ASMTL: variants seen among roughly 807,000 people sequenced by gnomAD.
ASMTL encodes acetylserotonin O-methyltransferase like, also known as probable bifunctional dTTP/UTP pyrophosphatase/methyltransferase protein.
In ASMTL, 57 loss-of-function variants were observed where a neutral mutation model predicts 60.3. The ratio of observed to expected loss-of-function variants is 0.95; its 90% CI spans 0.76 to 1.18. The LOEUF (loss-of-function observed/expected upper bound fraction) is 1.18, where lower values mean the gene tolerates loss of function less well. Ranked by LOEUF, ASMTL falls within the 50% of genes most tolerant of loss-of-function variation. The pLI is 0.00. For synonymous variants in ASMTL, 419 were observed against 373.0 expected, an observed-to-expected ratio of 1.12 and a Z score of -1.42; for missense variants, 981 against 852.6, an observed-to-expected ratio of 1.15 and a Z score of -1.88.
chrX:1,453,454 G>T (rs772886328), upstream of ASMTL, among the ~76,000 whole-genome samples: 1 of 148,380 alleles, frequency 6.7e-6, no homozygotes, highest in Non-Finnish European at 1.5e-5. Context: ...TCCCCACCCC[G>T]CCTGCGGCGC....
chrX:1,452,858 C>G lies in ASMTL; in HGVS notation c.-18G>C. 3 of 1,544,644 alleles carry G rather than the reference C, an allele frequency of 1.9e-6. No homozygotes were observed. Among genetic ancestry groups the G allele is most frequent in the Non-Finnish European group, 2.6e-6 (3 of 1,153,188 alleles). The stretch of plus-strand genomic sequence containing the variant: ...AGCACCATGGCGTCCACGCCGGGAG[C>G]CGGGCGTCCGCACTTCTGAGCCCGG... On this transcript the variant is annotated 5_prime_UTR_variant, in exon 1 of 13. Transcript: ENST00000381317.
chrX:1,422,783 A>C (rs1660689293), intron 8 of ASMTL, among the ~76,000 whole-genome samples: 1 of 152,056 alleles, frequency 6.6e-6, no homozygotes, highest in Non-Finnish European at 1.5e-5. Flanking sequence ...ATTTATTTTC[A>C]TCATGAATAA....
chrX:1,415,382 T>C (rs1479775553), intron 11 of ASMTL, among the ~76,000 whole-genome samples: 23 of 151,650 alleles, frequency 1.5e-4, no homozygotes, highest in African/African-American at 5.3e-4. Context: ...CCATCTCCAC[T>C]CCCCTCACGT....
chrX:1,404,087 GGGTA>G (rs1214431407), intron 12 of ASMTL, among the ~76,000 whole-genome samples: 4 of 151,452 alleles, frequency 2.6e-5, no homozygotes, highest in African/African-American at 9.7e-5. Context: ...GGTACATGAT[GGGTA>G]GGTAGGAAGA....
chrX:1,432,395 T>A lies in ASMTL; in HGVS notation c.401-18A>T. On this transcript the variant is annotated intron_variant, in intron 5 of 12. Coordinates refer to ENST00000381317, the MANE Select transcript of ASMTL (RefSeq NM_004192.4). ...CTGATGGTCTGCAAGGACACAGCCG[T>A]GGGGGTGAGCGTGGACGCCAGCTTG... The A allele has an allele frequency of 6.2e-7, 1 of 1,603,746 alleles. No homozygotes were observed.
chrX:1,425,019 A>G (rs867778039), intron 8 of ASMTL, among the ~76,000 whole-genome samples: 11 of 19,384 alleles, frequency 5.7e-4, no homozygotes, highest in East Asian at 4.4e-3. Context: ...CCATCCATCC[A>G]TCCTTCCTCC....
In ASMTL at chrX:1,442,222, C is replaced by T. The variant is rs772198950; in HGVS notation, c.189G>A (p.Lys63=). 1 of 1,613,818 alleles carries T rather than the reference C, an allele frequency of 6.2e-7. No homozygotes were observed. The change falls in exon 2 of 13, where the codon AAG becomes AAA. Residue 63 remains lysine, a synonymous_variant. Coordinates refer to ENST00000381317, the MANE Select transcript of ASMTL (RefSeq NM_004192.4). ...GGTTGGCCACCTCCAGGGCCTTCTG[C>T]TTGGCGGTCTCCATGGCGTACCCAT... ...TPYGYAMETA[K]QKALEVANRL...
intron 11 of ASMTL, among the ~76,000 whole-genome samples, chrX:1,416,406 CAGAT>C (rs2090265133): frequency 1.4e-5 from 1 of 69,100 alleles, no homozygotes; most frequent in Non-Finnish European, 4.2e-5. Flanking sequence ...CACGGACATA[CAGAT>C]ACACCAACAG....
At chrX:1,416,907 A>T (rs1298523261) in intron 11 of ASMTL, among the ~76,000 whole-genome samples, 1 of 151,426 alleles carries the variant, frequency 6.6e-6, no homozygotes, top group Non-Finnish European at 1.5e-5. Context: ...TCAGAGACAT[A>T]CACACCACAG....
intron 4 of ASMTL, 135 bp from the exon 5 acceptor site, chrX:1,435,218 T>G: frequency 7.3e-5 from 67 of 916,640 alleles, no homozygotes; most frequent in Non-Finnish European, 1.1e-4. Context: ...TCCCCGATCG[T>G]CCCGCTGTGG....
chrX:1,442,179 C>T lies in ASMTL; in HGVS notation c.225+7G>A. 1 of 1,613,404 alleles carries T rather than the reference C, an allele frequency of 6.2e-7. No homozygotes were observed. The highest frequency in any genetic ancestry group is 8.5e-7 in the Non-Finnish European group (1 of 1,179,804). ...TTCATAAGGGCCGAAGGGCAGGGGC[C>T]CCTTGCCTGGTACAGCCGGTTGGCC... On this transcript the variant is annotated splice_region_variant and intron_variant, in intron 2 of 12. Transcript: ENST00000381317.
At chrX:1,450,638 C>A (rs2091342096) in intron 1 of ASMTL, among the ~76,000 whole-genome samples, 1 of 138,898 alleles carries the variant, frequency 7.2e-6, no homozygotes, top group Non-Finnish European at 1.6e-5. Flanking sequence ...ACTCTCCCCT[C>A]CCCCATCCCT....
In ASMTL at chrX:1,425,689, T is replaced by G. The variant is rs761169827; in HGVS notation, c.898-2A>C. On this transcript the variant is annotated splice_acceptor_variant, in intron 7 of 12. Coordinates refer to ENST00000381317, the MANE Select transcript of ASMTL (RefSeq NM_004192.4). LOFTEE classifies it high-confidence loss of function. ...CAGTTTGCAAGCGGTGAGCAGGCCC[T>G]GTTAAAAGCAAGTGCAGAGAGACTC... The G allele has an allele frequency of 6.2e-7, 1 of 1,612,916 alleles. No individual in the cohort carries two copies. Among genetic ancestry groups the G allele is most frequent in the Non-Finnish European group, 8.5e-7 (1 of 1,179,506 alleles).
At chrX:1,422,940 TTTTC>T (rs2090519413) in intron 8 of ASMTL, among the ~76,000 whole-genome samples, 1 of 151,984 alleles carries the variant, frequency 6.6e-6, no homozygotes, top group Non-Finnish European at 1.5e-5. Context: ...TTCATCATTA[TTTTC>T]TTTCTTTTAA....
intron 1 of ASMTL, chrX:1,442,519 T>G (rs2091131316): frequency 5.6e-6 from 1 of 180,074 alleles, no homozygotes; most frequent in African/African-American, 2.4e-5. Flanking sequence ...GTGTGGTTAG[T>G]GGGCCGCGGA....
At chrX:1,419,783 C>T (rs764705787) in intron 9 of ASMTL, among the ~76,000 whole-genome samples, 3 of 152,336 alleles carry the variant, frequency 2.0e-5, no homozygotes, top group South Asian at 2.1e-4. Context: ...GGGGGCTCCC[C>T]GGCCCTCCCC....
intron 3 of ASMTL, 59 bp from the exon 4 acceptor site, chrX:1,435,817 G>A (rs1339051853): frequency 7.3e-7 from 1 of 1,370,488 alleles, no homozygotes; most frequent in Non-Finnish European, 1.0e-6. Context: ...GCCTGTGCAA[G>A]TCCCACGGTC....
chrX:1,429,595 C>T (rs1173029591), intron 6 of ASMTL, among the ~76,000 whole-genome samples: 2 of 151,894 alleles, frequency 1.3e-5, no homozygotes, highest in African/African-American at 2.4e-5. Flanking sequence ...GTCAGGAGTT[C>T]GAGACCAGCC....
intron 6 of ASMTL, among the ~76,000 whole-genome samples, chrX:1,429,866 A>G (rs2090721018): frequency 6.6e-6 from 1 of 151,998 alleles, no homozygotes; most frequent in African/African-American, 2.4e-5. Flanking sequence ...AAATCAAGCC[A>G]ATTATCCCAT....
Sources: allele counts gnomAD v4.1 joint callset (sites outside exome capture counted in the v4.1 genomes callset), GRCh38; gene constraint gnomAD v4.1.1; transcripts MANE v1.5; gene names NCBI Gene and HGNC (gene_info 2026-07-23, HGNC 2026-07-21).